Variants in SGCD observed in about 807,000 individuals in gnomAD.
SGCD encodes the protein sarcoglycan delta.
In SGCD, 18 loss-of-function variants were observed where a neutral mutation model predicts 36.6. That is an observed-to-expected ratio of 0.49 (90% CI 0.34 to 0.73). The LOEUF is 0.73. SGCD is among the 30% of genes least tolerant of loss of function. SGCD has a pLI of 0.01. For missense variants in SGCD, 387 were observed against 346.7 expected (o/e 1.12, Z -0.92); for synonymous variants, 133 against 130.6 (o/e 1.02, Z -0.12).
chr5:156,246,205 G>A (rs1240383525), intron 3 of SGCD, among the ~76,000 whole-genome samples: 6 of 152,032 alleles, frequency 3.9e-5, no homozygotes, highest in South Asian at 2.1e-4. Context: ...CTAAAATCAC[G>A]CTTAATGTTT....
At chr5:155,883,813 A>AAG (rs1228161339) in intron 1 of SGCD, among the ~76,000 whole-genome samples, 1 of 151,318 alleles carries the variant, frequency 6.6e-6, no homozygotes, top group African/African-American at 2.4e-5. Flanking sequence ...AAAAAAAAAA[A>AAG]AGAAAAGCAC....
intron 3 of SGCD, among the ~76,000 whole-genome samples, chr5:156,175,006 C>T (rs553190801): frequency 6.6e-6 from 1 of 152,140 alleles, no homozygotes; most frequent in East Asian, 1.9e-4. Flanking sequence ...AGTAAACTTA[C>T]TAGGAGAGAT....
In SGCD at chr5:156,444,577, C is replaced by T. The variant is rs1753679491; in HGVS notation, c.193-64024C>T. 5.9e-5 allele frequency among the ~76,000 whole-genome samples: 9 copies of T among 152,026 alleles called. No individual in the cohort carries two copies. The South Asian group carries it at 1.9e-3, about 32-fold the overall frequency. On this transcript the variant is annotated intron_variant, in intron 3 of 8. Transcript: ENST00000337851. Reference sequence around the variant, plus strand: ...GGTTGACATTCCTGAGCATAAGAATCTCTCTGTGCCTCCCCGACTTCCACC... The same window carrying T: ...GGTTGACATTCCTGAGCATAAGAATTTCTCTGTGCCTCCCCGACTTCCACC...
intron 7 of SGCD, among the ~76,000 whole-genome samples, chr5:156,703,520 T>G (rs1385419298): frequency 6.6e-6 from 1 of 152,162 alleles, no homozygotes; most frequent in Non-Finnish European, 1.5e-5. Context: ...ATTTAAAAGA[T>G]CAATGGCTCA....
chr5:156,572,225 G>A lies in SGCD; in HGVS notation c.295-17006G>A, dbSNP rs534016973. Among the ~76,000 whole-genome samples the A allele has an allele frequency of 2.0e-5, 3 of 152,224 alleles. No homozygotes were observed. The South Asian group carries it at 6.2e-4, about 32-fold the overall frequency. On this transcript the variant is annotated intron_variant, in intron 4 of 8. Coordinates refer to ENST00000337851, the MANE Select transcript of SGCD (RefSeq NM_000337.6). ...TATGAGCATTTGTGTACAAGTTTTT[G>A]TTTGAATATCTGTTTCCAATTCTTT...
chr5:155,847,399 A>T, the SGCD span, among the ~76,000 whole-genome samples: 1 of 151,982 alleles, frequency 6.6e-6, no homozygotes, highest in Admixed American at 6.6e-5. Context: ...TTTCTTTTTG[A>T]CTTATGGCAT....
chr5:156,201,015 T>C (rs957165563), intron 3 of SGCD, among the ~76,000 whole-genome samples: 1 of 152,190 alleles, frequency 6.6e-6, no homozygotes, highest in African/African-American at 2.4e-5. Flanking sequence ...AAGTACTGCA[T>C]GATTCCATTT....
intron 1 of SGCD, among the ~76,000 whole-genome samples, chr5:155,954,890 C>T (rs1757619691): frequency 6.6e-6 from 1 of 152,102 alleles, no homozygotes; most frequent in African/African-American, 2.4e-5. Flanking sequence ...AGTATAAGTG[C>T]AAGTGCCTGA....
rs1394998843 is a variant in SGCD at position 156,761,042 on chromosome 5, G to C, written c.*1652G>C. The C allele has an allele frequency of 6.6e-6, 1 of 152,216 alleles. No homozygotes were observed. The highest frequency in any genetic ancestry group is 1.5e-5 in the Non-Finnish European group (1 of 68,052). The allele number at this position is 152,216 out of a possible 1,614,324, so 9.4% of individuals were successfully genotyped here. On this transcript the variant is annotated 3_prime_UTR_variant, in exon 9 of 9. Transcript: ENST00000337851. ...TGCAAGCCTAAATGAAGTAGTATTT[G>C]TAGGCCTGGGTGGCATTTGGATTTT... is the stretch of plus-strand genomic sequence containing the variant.
chr5:156,548,123 G>A (rs1220938059), intron 4 of SGCD, among the ~76,000 whole-genome samples: 2 of 152,198 alleles, frequency 1.3e-5, no homozygotes, highest in East Asian at 3.9e-4. Context: ...TCACTAAAGA[G>A]TGAGAATGTT....
At chr5:156,706,067 ACGAT>A (rs1004312190) in intron 7 of SGCD, among the ~76,000 whole-genome samples, 16 of 152,172 alleles carry the variant, frequency 1.1e-4, no homozygotes, top group Non-Finnish European at 1.3e-4. Flanking sequence ...ATCTCTATGA[ACGAT>A]AGAGAAGTTT....
the SGCD span, among the ~76,000 whole-genome samples, chr5:155,765,439 AG>A: frequency 5.0e-5 from 2 of 40,268 alleles, no homozygotes; most frequent in Non-Finnish European, 9.3e-5. Context: ...GGGAGGAGGG[AG>A]GGTGGGAGGG....
intron 3 of SGCD, among the ~76,000 whole-genome samples, chr5:156,257,847 G>C (rs112006024): frequency 8.9e-4 from 135 of 152,242 alleles, no homozygotes; most frequent in Admixed American, 2.0e-3. Flanking sequence ...TTGAGAGACA[G>C]AGCGAGAGTC....
intron 3 of SGCD, among the ~76,000 whole-genome samples, chr5:156,155,428 C>T (rs552801234): frequency 6.6e-5 from 10 of 151,198 alleles, no homozygotes; most frequent in Admixed American, 1.3e-4. Context: ...GCTTTTTATG[C>T]GAAATATTTC....
chr5:156,068,109 T>A (rs978422233), intron 1 of SGCD, among the ~76,000 whole-genome samples: 6 of 144,934 alleles, frequency 4.1e-5, no homozygotes, highest in African/African-American at 1.5e-4. Context: ...TTTTTATTTT[T>A]ATTTTATTTT....
intron 3 of SGCD, among the ~76,000 whole-genome samples, chr5:156,435,757 G>T (rs1216274007): frequency 6.6e-6 from 1 of 152,026 alleles, no homozygotes; most frequent in Admixed American, 6.6e-5. Flanking sequence ...GTATTGATTT[G>T]TCCATCTGTT....
At chr5:156,323,537 C>G (rs1767727528), upstream of SGCD, among the ~76,000 whole-genome samples, 1 of 150,468 alleles carries the variant, frequency 6.6e-6, no homozygotes, top group Non-Finnish European at 1.5e-5. Flanking sequence ...TATACCCATC[C>G]TAGACATTGG....
intron 1 of SGCD, among the ~76,000 whole-genome samples, chr5:155,966,050 A>T (rs1757897378): frequency 6.6e-6 from 1 of 152,098 alleles, no homozygotes; most frequent in African/African-American, 2.4e-5. Context: ...TTAAAAGGTT[A>T]CAAATCCTGT....
chr5:156,585,864 T>TA (rs961405860), intron 4 of SGCD, among the ~76,000 whole-genome samples: 11 of 152,010 alleles, frequency 7.2e-5, no homozygotes, highest in African/African-American at 2.2e-4. Flanking sequence ...AATTATATAA[T>TA]AAAAAAACTT....
Sources: allele counts gnomAD v4.1 joint callset (sites outside exome capture counted in the v4.1 genomes callset), GRCh38; gene constraint gnomAD v4.1.1; transcripts MANE v1.5; gene names NCBI Gene and HGNC (gene_info 2026-07-23, HGNC 2026-07-21).